Variants in EYS observed in about 807,000 individuals in gnomAD.
EYS encodes the protein protein eyes shut homolog.
In EYS, 250 loss-of-function variants were observed where a neutral mutation model predicts 282.1. That is an observed-to-expected ratio of 0.89 (90% CI 0.80 to 0.98). EYS has a LOEUF of 0.98. EYS is among the 50% of genes least tolerant of loss of function. EYS has a pLI of 0.00. For missense variants in EYS, 4,016 were observed against 3,709.0 expected (o/e 1.08, Z -2.15); for synonymous variants, 1,355 against 1,282.9 (o/e 1.06, Z -1.20).
chr6:65,100,374 C>T (rs1225131814), intron 12 of EYS, among the ~76,000 whole-genome samples: 1 of 148,676 alleles, frequency 6.7e-6, no homozygotes, highest in Non-Finnish European at 1.5e-5. Flanking sequence ...TAATGAAGAA[C>T]AAAAAAAGAG....
At chr6:64,313,946 G>A (rs1769829706) in intron 29 of EYS, among the ~76,000 whole-genome samples, 1 of 152,074 alleles carries the variant, frequency 6.6e-6, no homozygotes, top group Non-Finnish European at 1.5e-5. Flanking sequence ...ACGCTATGAA[G>A]AAACTGCATC....
chr6:64,018,080 G>A (rs540410996), intron 33 of EYS, among the ~76,000 whole-genome samples: 169 of 152,022 alleles, frequency 1.1e-3, no homozygotes, highest in Non-Finnish European at 2.0e-3. Flanking sequence ...TTCCTACTTA[G>A]TCCTGAGAAA....
chr6:64,915,029 G>A (rs563898263), intron 15 of EYS, among the ~76,000 whole-genome samples: 1 of 152,038 alleles, frequency 6.6e-6, no homozygotes, highest in African/African-American at 2.4e-5. Context: ...ATCCTAGTTT[G>A]CCTGGAGAGA....
intron 26 of EYS, among the ~76,000 whole-genome samples, chr6:64,525,359 T>A (rs1482976362): frequency 6.6e-6 from 1 of 151,766 alleles, no homozygotes; most frequent in East Asian, 1.9e-4. Flanking sequence ...AAGAATGAAA[T>A]CATGTCTTTG....
chr6:65,331,103 T>C, intron 11 of EYS: 3 of 983,410 alleles, frequency 3.1e-6, no homozygotes, highest in Non-Finnish European at 3.6e-6. Flanking sequence ...ACCCCATTAG[T>C]CTTCCTTTTC....
intron 12 of EYS, among the ~76,000 whole-genome samples, chr6:65,111,914 T>G (rs544337957): frequency 4.9e-4 from 75 of 152,280 alleles, no homozygotes; most frequent in African/African-American, 1.7e-3. Context: ...AATTTTCATC[T>G]AATTTCATTA....
chr6:65,545,860 T>C (rs1006812529), intron 2 of EYS, among the ~76,000 whole-genome samples: 1 of 152,114 alleles, frequency 6.6e-6, no homozygotes, highest in Non-Finnish European at 1.5e-5. Flanking sequence ...TATGCAAGAT[T>C]ATACAAGATT....
rs529463919 is a variant in EYS, at chr6:63,980,026, T to A, written c.7055+4357A>T. On this transcript the variant is annotated intron_variant, in intron 35 of 42. Transcript: ENST00000503581. The stretch of plus-strand genomic sequence containing the variant: ...CAGCACTTTACAGCAGTAAATTAGA[T>A]CAACCAAGGTACAAAAATTAGTGAT... 6.4e-4 allele frequency among the ~76,000 whole-genome samples: 98 copies of A among 151,978 alleles called. 1 individual carries two copies. The highest frequency in any genetic ancestry group is 3.4e-3 in the Middle Eastern group (1 of 294).
At chr6:65,468,813 C>A (rs545104031) in intron 5 of EYS, among the ~76,000 whole-genome samples, 1 of 152,106 alleles carries the variant, frequency 6.6e-6, no homozygotes, top group South Asian at 2.1e-4. Flanking sequence ...AACTGAAACT[C>A]TATTCTCTTC....
chr6:64,662,405 A>C (rs1466710227), intron 22 of EYS, among the ~76,000 whole-genome samples: 1 of 152,184 alleles, frequency 6.6e-6, no homozygotes, highest in Non-Finnish European at 1.5e-5. Context: ...ATCATTTAAA[A>C]GTCCCAGATT....
At chr6:64,037,420 A>C (rs1770174827) in intron 33 of EYS, among the ~76,000 whole-genome samples, 1 of 152,240 alleles carries the variant, frequency 6.6e-6, no homozygotes, top group African/African-American at 2.4e-5. Context: ...ATAGAAAACC[A>C]GACAAATGTA....
intron 22 of EYS, among the ~76,000 whole-genome samples, chr6:64,750,184 T>C (rs73765309): frequency 0.04 from 6,069 of 152,128 alleles, 378 homozygotes; most frequent in African/African-American, 0.14. Context: ...ATTTTGGGAA[T>C]ATTTTGCTGA....
At chr6:64,143,001 A>T (rs1163074963) in intron 31 of EYS, among the ~76,000 whole-genome samples, 1 of 152,218 alleles carries the variant, frequency 6.6e-6, no homozygotes, top group Non-Finnish European at 1.5e-5. Context: ...AGTGCTAAAA[A>T]GTGAGAAAGC....
At chr6:64,681,126 A>G (rs1445809742) in intron 22 of EYS, among the ~76,000 whole-genome samples, 1 of 152,186 alleles carries the variant, frequency 6.6e-6, no homozygotes, top group South Asian at 2.1e-4. Flanking sequence ...TACTTTGGCT[A>G]TTGGCACAGT....
intron 12 of EYS, among the ~76,000 whole-genome samples, chr6:65,090,290 A>C (rs536083415): frequency 6.6e-6 from 1 of 152,220 alleles, no homozygotes; most frequent in Non-Finnish European, 1.5e-5. Flanking sequence ...AGCATATGGC[A>C]TTTCCCCTTC....
At chr6:64,766,301 A>G (rs1047588851) in intron 22 of EYS, among the ~76,000 whole-genome samples, 6 of 149,106 alleles carry the variant, frequency 4.0e-5, no homozygotes, top group African/African-American at 1.5e-4. Flanking sequence ...TCTCTCCTTT[A>G]TTCTTTCTTT....
chr6:65,320,176 A>G (rs1012903078), intron 11 of EYS, among the ~76,000 whole-genome samples: 3 of 152,054 alleles, frequency 2.0e-5, no homozygotes, highest in Non-Finnish European at 2.9e-5. Context: ...CACACACAAA[A>G]TGGATGGGGA....
intron 31 of EYS, among the ~76,000 whole-genome samples, chr6:64,171,628 A>G (rs1475632098): frequency 1.4e-5 from 1 of 71,634 alleles, no homozygotes; most frequent in Non-Finnish European, 3.0e-5. Context: ...TATTGATATA[A>G]CAGTCTTCCA....
chr6:64,919,235 G>T (rs551773578), intron 15 of EYS, among the ~76,000 whole-genome samples: 1 of 151,864 alleles, frequency 6.6e-6, no homozygotes, highest in South Asian at 2.1e-4. Flanking sequence ...GCAGTGGCGC[G>T]TTCTCGGCTC....
Sources: gnomAD v4.1 joint callset for allele counts (sites outside exome capture counted in the v4.1 genomes callset) on GRCh38, gnomAD v4.1.1 for gene constraint, MANE v1.5 for transcripts, NCBI Gene and HGNC (gene_info 2026-07-23, HGNC 2026-07-21) for gene names.